The following CLMN variants were observed in gnomAD, a reference collection of about 807,000 sequenced individuals.
The protein encoded by CLMN is calmin.
In CLMN, 57 loss-of-function variants were observed where a neutral mutation model predicts 92.7. The ratio of observed to expected loss-of-function variants is 0.61; its 90% CI spans 0.50 to 0.77. CLMN has a LOEUF of 0.77. Among genes scored for constraint, CLMN ranks in the 30% least tolerant of loss-of-function variants. The pLI is 0.00. For synonymous variants in CLMN, 466 were observed against 470.6 expected (o/e 0.99, Z 0.13); for missense variants, 1,158 against 1,237.5 (o/e 0.94, Z 0.96).
At chr14:95,267,195 A>C (rs1899505297) in intron 1 of CLMN, among the ~76,000 whole-genome samples, 1 of 152,232 alleles carries the variant, frequency 6.6e-6, no homozygotes, top group Non-Finnish European at 1.5e-5. Flanking sequence ...TCAAGCTAAA[A>C]AGCTTCTTCA....
Position 95,215,734 on chromosome 14 carries a change from C to T in CLMN, c.325-1G>A. On this transcript the variant is annotated splice_acceptor_variant, in intron 4 of 12. Coordinates refer to ENST00000298912, the MANE Select transcript of CLMN (RefSeq NM_024734.4). LOFTEE classifies it high-confidence loss of function. ...CTGCATCAATGCTAACCAGTTTTAC[C>T]TGGAGGGAAGCAATTTATGAACTTA... 1.2e-6 allele frequency: 2 copies of T among 1,613,604 alleles called. No homozygotes were observed. Among genetic ancestry groups the T allele is most frequent in the Non-Finnish European group, 8.5e-7 (1 of 1,179,688 alleles).
At chr14:95,233,369 A>T (rs1398068491) in intron 1 of CLMN, among the ~76,000 whole-genome samples, 4 of 151,936 alleles carry the variant, frequency 2.6e-5, no homozygotes, top group Admixed American at 2.6e-4. Context: ...CCATCCATCC[A>T]GCCATCCATC....
At chr14:95,247,591 T>C (rs1463881203) in intron 1 of CLMN, among the ~76,000 whole-genome samples, 2 of 152,168 alleles carry the variant, frequency 1.3e-5, no homozygotes, top group African/African-American at 4.8e-5. Flanking sequence ...GGCACTATCA[T>C]TATGGTGTGC....
chr14:95,209,616 C>T lies in CLMN; in HGVS notation c.803-139G>A, dbSNP rs190650466. The T allele has an allele frequency of 8.7e-6, 6 of 690,570 alleles. No homozygotes were observed. The East Asian group carries it at 1.1e-4, about 12-fold the overall frequency. The allele number at this position is 690,570 out of a possible 1,614,324, so 42.8% of individuals were successfully genotyped here. A position where few individuals can be genotyped will look rare whatever the true frequency, so the allele number is the denominator to read the frequency against. On this transcript the variant is annotated intron_variant, in intron 7 of 12. Coordinates refer to ENST00000298912, the MANE Select transcript of CLMN (RefSeq NM_024734.4). Reference sequence around the variant, plus strand: ...TATTTTCCACTTGAGGAACTTTAGGCTCAAAGGTGGTGAATCATTTAACTG... The same window carrying T: ...TATTTTCCACTTGAGGAACTTTAGGTTCAAAGGTGGTGAATCATTTAACTG...
chr14:95,209,495 G>A lies in CLMN; in HGVS notation c.803-18C>T, dbSNP rs780260215. Reference sequence around the variant, plus strand: ...CATGATGTCTGTCGAGAGAGACACAGGAATTAGCAGGAGATACAAACACAC... The same window carrying A: ...CATGATGTCTGTCGAGAGAGACACAAGAATTAGCAGGAGATACAAACACAC... On this transcript the variant is annotated intron_variant, in intron 7 of 12. Coordinates refer to ENST00000298912, the MANE Select transcript of CLMN (RefSeq NM_024734.4). 2.5e-6 allele frequency: 4 copies of A among 1,587,330 alleles called. No individual in the cohort carries two copies. The highest frequency in any genetic ancestry group is 1.7e-5 in the Admixed American group (1 of 59,960).
At chr14:95,317,950 G>A (rs922523955) in intron 1 of CLMN, among the ~76,000 whole-genome samples, 1 of 152,144 alleles carries the variant, frequency 6.6e-6, no homozygotes, top group Non-Finnish European at 1.5e-5. Flanking sequence ...ACTGGGAGCT[G>A]AGGGAGAGGA....
intron 1 of CLMN, among the ~76,000 whole-genome samples, chr14:95,272,087 T>C (rs1354097693): frequency 6.6e-6 from 1 of 152,112 alleles, no homozygotes; most frequent in African/African-American, 2.4e-5. Flanking sequence ...AATATAAACA[T>C]TTGAATGGAG....
At position 95,194,370 on chromosome 14, in the gene CLMN, C is replaced by T. The variant is rs540850291; in HGVS notation, c.2769+166G>A. 54 of 1,456,192 alleles carry T rather than the reference C, an allele frequency of 3.7e-5. 1 individual carries two copies. Among genetic ancestry groups the T allele is most frequent in the South Asian group, 3.1e-4 (21 of 68,210 alleles). The allele number at this position is 1,456,192 out of a possible 1,614,324, so 90.2% of individuals were successfully genotyped here. A position where few individuals can be genotyped will look rare whatever the true frequency, so the allele number is the denominator to read the frequency against. ...TCTCTTATTGCCCAAACCGGATATC[C>T]GATCGGACTGTGCTTAATGATAAGG... On this transcript the variant is annotated intron_variant, in intron 11 of 12. Coordinates refer to ENST00000298912, the MANE Select transcript of CLMN (RefSeq NM_024734.4). The surrounding 1 kb of genome is among the most constrained non-coding windows in gnomAD (Gnocchi z 4.0).
intron 9 of CLMN, among the ~76,000 whole-genome samples, chr14:95,197,044 A>C (rs1896736216): frequency 6.6e-6 from 1 of 152,226 alleles, no homozygotes; most frequent in Non-Finnish European, 1.5e-5. Context: ...TGAAATGGGT[A>C]CAATAATTAT....
In CLMN at chr14:95,204,176, G is replaced by A. The variant is rs760581464; in HGVS notation, c.1173C>T (p.Gly391=). 3.6e-5 allele frequency: 58 copies of A among 1,613,966 alleles called. 1 individual carries two copies. In the Middle Eastern group the frequency reaches 6.6e-4, roughly 18 times the overall value. Residue 391 remains glycine, a synonymous_variant, in exon 9 of 13, where the codon GGC becomes GGT. Coordinates refer to ENST00000298912, the MANE Select transcript of CLMN (RefSeq NM_024734.4). ...HQIIDQVLQG[G]PGKTSDISEP... is the part of the protein sequence containing the mutation. Reference sequence around the variant, plus strand: ...CACTGATGTCGCTGGTCTTACCTGGGCCCCCTTGCAGGACCTGGTCAATAA... The same window carrying A: ...CACTGATGTCGCTGGTCTTACCTGGACCCCCTTGCAGGACCTGGTCAATAA...
At chr14:95,221,884 A>G (rs1566876584) in intron 3 of CLMN, 110 bp from the exon 4 acceptor site, 4 of 1,064,648 alleles carry the variant, frequency 3.8e-6, no homozygotes, top group Non-Finnish European at 5.4e-6. Flanking sequence ...ATTTCAAGAA[A>G]AAGTTAGGGG....
At chr14:95,298,416 C>A (rs971575823) in intron 1 of CLMN, among the ~76,000 whole-genome samples, 2 of 152,120 alleles carry the variant, frequency 1.3e-5, no homozygotes, top group Admixed American at 6.5e-5. Context: ...CCCTGGAGAC[C>A]AAACTGGTGC....
chr14:95,244,992 C>T (rs1156685446), intron 1 of CLMN, among the ~76,000 whole-genome samples: 1 of 144,156 alleles, frequency 6.9e-6, no homozygotes, highest in Non-Finnish European at 1.5e-5. Flanking sequence ...TGTGTATACA[C>T]ACACACACAC....
At chr14:95,244,659 T>C (rs529789788) in intron 1 of CLMN, among the ~76,000 whole-genome samples, 10 of 152,344 alleles carry the variant, frequency 6.6e-5, no homozygotes, top group African/African-American at 1.9e-4. Context: ...ACTATAATTC[T>C]TCCCTCTATA....
rs1896400960 is a variant in CLMN at position 95,184,701 on chromosome 14, C to G, written c.*6863G>C. On this transcript the variant is annotated 3_prime_UTR_variant, in exon 13 of 13. Coordinates refer to ENST00000298912, the MANE Select transcript of CLMN (RefSeq NM_024734.4). Reference sequence around the variant, plus strand: ...TTGTGGGCTCTTGGGGAACCAGCAGCTCTGAGTCTCCAGGCTTTTGACCCA... The same window carrying G: ...TTGTGGGCTCTTGGGGAACCAGCAGGTCTGAGTCTCCAGGCTTTTGACCCA... 6.6e-6 allele frequency: 1 copy of G among 152,280 alleles called. No homozygotes were observed. Among genetic ancestry groups the G allele is most frequent in the African/African-American group, 2.4e-5 (1 of 41,448 alleles). 9.4% of individuals were successfully genotyped at this position (152,280 alleles called of 1,614,324 possible).
intron 1 of CLMN, among the ~76,000 whole-genome samples, chr14:95,260,081 A>G (rs1427176256): frequency 4.6e-5 from 7 of 152,212 alleles, no homozygotes; most frequent in African/African-American, 1.7e-4. Flanking sequence ...CATCTGGCAC[A>G]TGGCAGGTGT....
chr14:95,306,653 A>G (rs1901292832), intron 1 of CLMN, among the ~76,000 whole-genome samples: 1 of 152,226 alleles, frequency 6.6e-6, no homozygotes. Flanking sequence ...CACGACCAAC[A>G]GCAACAGCAG....
chr14:95,197,238 G>C (rs1178972450), intron 9 of CLMN, among the ~76,000 whole-genome samples: 5 of 151,784 alleles, frequency 3.3e-5, no homozygotes, highest in Admixed American at 3.3e-4. Flanking sequence ...GACACAGTGA[G>C]ACCCTGTGAA....
At chr14:95,258,182 G>A (rs1025480557) in intron 1 of CLMN, among the ~76,000 whole-genome samples, 2 of 151,878 alleles carry the variant, frequency 1.3e-5, no homozygotes, top group Non-Finnish European at 2.9e-5. Context: ...TGGGGTGTGT[G>A]TATATGTATG....
Sources: allele counts gnomAD v4.1 joint callset (sites outside exome capture counted in the v4.1 genomes callset), GRCh38; gene constraint gnomAD v4.1.1; non-coding constraint Gnocchi (gnomAD v3.1); transcripts MANE v1.5; gene names NCBI Gene and HGNC (gene_info 2026-07-23, HGNC 2026-07-21).